Variants in VPS13D observed in about 807,000 individuals in gnomAD.
VPS13D encodes intermembrane lipid transfer protein VPS13D.
VPS13D carries 187 observed loss-of-function variants against 461.9 expected under a neutral mutation model. The ratio of observed to expected loss-of-function variants is 0.40; its 90% CI spans 0.36 to 0.46. The LOEUF (loss-of-function observed/expected upper bound fraction) is 0.46. VPS13D is among the 20% of genes least tolerant of loss of function. The pLI is 0.60. For synonymous variants in VPS13D, 1,951 were observed against 1,986.3 expected (o/e 0.98, Z 0.47); for missense variants, 4,711 against 5,364.9 (o/e 0.88, Z 3.81).
chr1:12,409,008 T>A (rs1188925714), intron 63 of VPS13D, among the ~76,000 whole-genome samples: 1 of 152,238 alleles, frequency 6.6e-6, no homozygotes, highest in Non-Finnish European at 1.5e-5. Context: ...TTAGAAGCTC[T>A]TTCTAAAAGT....
rs1220540281 is a variant in VPS13D at position 12,511,798 on chromosome 1, C to T, written c.*2774C>T. ...GACAAGCGGCCCCTTCCCCAAATCC[C>T]AAGAGTGTCTTGCTGCTTGGTGGGT... On this transcript the variant is annotated 3_prime_UTR_variant, in exon 70 of 70. Transcript: ENST00000620676. This position sits in a 1 kb window ranked among gnomAD's most constrained non-coding sequence, Gnocchi z 4.5. 3.9e-5 allele frequency: 6 copies of T among 152,256 alleles called. No individual in the cohort carries two copies. Among genetic ancestry groups the T allele is most frequent in the Admixed American group, 1.3e-4 (2 of 15,284 alleles). The allele number at this position is 152,256 out of a possible 1,614,324, so 9.4% of individuals were successfully genotyped here.
At chr1:12,463,250 G>A (rs1645435657) in intron 67 of VPS13D, among the ~76,000 whole-genome samples, 1 of 152,210 alleles carries the variant, frequency 6.6e-6, no homozygotes, top group African/African-American at 2.4e-5. Context: ...GGTGCCAGTA[G>A]TGGGAGAGTC....
intron 65 of VPS13D, among the ~76,000 whole-genome samples, chr1:12,437,882 G>A (rs1403278786): frequency 6.6e-6 from 1 of 152,176 alleles, no homozygotes; most frequent in South Asian, 2.1e-4. Flanking sequence ...CTTTCCAGCT[G>A]TTGGGATGGG....
chr1:12,444,916 C>A (rs1179687928), intron 65 of VPS13D, among the ~76,000 whole-genome samples: 9 of 152,202 alleles, frequency 5.9e-5, no homozygotes, highest in Admixed American at 5.9e-4. Context: ...ACCTCAGATA[C>A]CCAGTTTTTA....
In VPS13D at chr1:12,277,909, G is replaced by A. The variant is rs757842320; in HGVS notation, c.4321G>A (p.Gly1441Ser). 6.2e-7 allele frequency: 1 copy of A among 1,614,180 alleles called. No homozygotes were observed. Among genetic ancestry groups the A allele is most frequent in the Admixed American group, 1.7e-5 (1 of 60,026 alleles). ...TTCTTTGAATTGCACCCAGTTGGCAGGTAGAGAAGCTGTTGGGTCTGAAGG... is the reference window on the plus strand; with the variant it reads ...TTCTTTGAATTGCACCCAGTTGGCAAGTAGAGAAGCTGTTGGGTCTGAAGG... ...LYSLNCTQLA[G>S]REAVGSEGSR... The change falls in exon 19 of 70, where the codon GGT becomes AGT. Residue 1441 changes from glycine (G) to serine (S), a missense_variant. Transcript: ENST00000620676.
rs193295971 is a variant in VPS13D, at chr1:12,267,182, G to T, written c.1725+171G>T. 5.6e-3 allele frequency among the ~76,000 whole-genome samples: 856 copies of T among 152,254 alleles called. 11 individuals carry two copies. Among genetic ancestry groups the T allele is most frequent in the African/African-American group, 0.018 (767 of 41,540 alleles). On this transcript the variant is annotated intron_variant, in intron 14 of 69. Transcript: ENST00000620676. ...AGAGCAAATGTTGGTGACATTAATG[G>T]CTATGCCTTCTTGCACTCCTGTATT...
At chr1:12,352,993 A>C (rs866690480) in intron 46 of VPS13D, among the ~76,000 whole-genome samples, 57 of 148,404 alleles carry the variant, frequency 3.8e-4, no homozygotes, top group Non-Finnish European at 7.3e-4. Flanking sequence ...AAAAAAAAAA[A>C]AAAGGACCCA....
chr1:12,252,414 A>G (rs1640762936), intron 6 of VPS13D, among the ~76,000 whole-genome samples: 1 of 152,148 alleles, frequency 6.6e-6, no homozygotes, highest in Non-Finnish European at 1.5e-5. Flanking sequence ...GGCCTTTTGT[A>G]CGGTCACCCT....
chr1:12,360,869 T>C (rs1643936423), intron 50 of VPS13D, among the ~76,000 whole-genome samples: 2 of 152,230 alleles, frequency 1.3e-5, no homozygotes, highest in African/African-American at 4.8e-5. Context: ...TTGAGAAATC[T>C]ATGACAGCCG....
Position 12,346,549 on chromosome 1 carries a change from A to C in VPS13D, c.9022-56A>C. ...AGAAAATTATGTTGTCATTGAATTT[A>C]ACGTTGCTAATTATCTTAAGTCTGT... On this transcript the variant is annotated intron_variant, in intron 43 of 69. Transcript: ENST00000620676. 5 of 1,569,096 alleles carry C rather than the reference A, an allele frequency of 3.2e-6. No individual in the cohort carries two copies. The South Asian group carries it at 5.8e-5, about 18-fold the overall frequency.
chr1:12,395,824 A>C (rs1242734659), intron 60 of VPS13D, among the ~76,000 whole-genome samples: 1 of 151,444 alleles, frequency 6.6e-6, no homozygotes, highest in Non-Finnish European at 1.5e-5. Context: ...ATACTATTAG[A>C]GGTAGAGTCC....
intron 13 of VPS13D, among the ~76,000 whole-genome samples, chr1:12,263,428 T>A (rs1410309296): frequency 6.6e-6 from 1 of 152,184 alleles, no homozygotes; most frequent in African/African-American, 2.4e-5. Flanking sequence ...CAGAGTGCCA[T>A]GAGGATTAAT....
In VPS13D at chr1:12,505,585, C is replaced by A. The variant is rs1439828394; in HGVS notation, c.12795-1268C>A. 6.6e-6 allele frequency among the ~76,000 whole-genome samples: 1 copy of A among 152,304 alleles called. No individual in the cohort carries two copies. The highest frequency in any genetic ancestry group is 1.9e-4 in the East Asian group (1 of 5,174). On this transcript the variant is annotated intron_variant, in intron 68 of 69. Coordinates refer to ENST00000620676, the MANE Select transcript of VPS13D (RefSeq NM_015378.4). The surrounding 1 kb of genome is among the most constrained non-coding windows in gnomAD (Gnocchi z 4.2). The stretch of plus-strand genomic sequence containing the variant: ...GTGGGGTGCTCAGGAAGACACGGGG[C>A]TGTGAGATATGGACTCCACTTAGAG...
At position 12,318,072 on chromosome 1, in the gene VPS13D, A is replaced by C; in HGVS notation, c.7149A>C (p.Arg2383Ser). ...QGSIQIELHF[R>S]STKDSSCFTV... ...ATTTTCTCCTGTCTTCTTTTTATAG[A>C]TCTACCAAGGATTCCTCCTGCTTTA... The change falls in exon 31 of 70, where the codon AGA (arginine) becomes AGC (serine). Residue 2383 changes from arginine (R) to serine (S), a missense_variant and splice_region_variant. Physicochemically the swap from Arg to Ser is moderately radical, Grantham distance 110. This residue lies in a region of VPS13D where 4,411 missense variants were observed against 4,937.8 expected (regional missense o/e 0.89). Transcript: ENST00000620676. The C allele has an allele frequency of 6.2e-7, 1 of 1,602,144 alleles. No individual in the cohort carries two copies. Among genetic ancestry groups the C allele is most frequent in the Non-Finnish European group, 8.5e-7 (1 of 1,171,248 alleles).
At chr1:12,379,383 G>A in intron 56 of VPS13D, 105 bp from the exon 57 acceptor site, 1 of 980,708 alleles carries the variant, frequency 1.0e-6, no homozygotes, top group Non-Finnish European at 1.5e-6. Context: ...TAAGGGTGGA[G>A]GGCATTAGAA....
At chr1:12,402,232 T>C (rs866329071) in intron 62 of VPS13D, among the ~76,000 whole-genome samples, 1 of 152,188 alleles carries the variant, frequency 6.6e-6, no homozygotes, top group Admixed American at 6.5e-5. Flanking sequence ...ACTCTCTTCT[T>C]TGTAGAAGAG....
intron 63 of VPS13D, among the ~76,000 whole-genome samples, chr1:12,408,040 C>T (rs903205370): frequency 2.0e-5 from 3 of 152,170 alleles, no homozygotes; most frequent in African/African-American, 7.2e-5. Context: ...AGCAGTTGAG[C>T]TTACTGAACG....
chr1:12,406,818 C>T (rs1005479287), intron 63 of VPS13D, among the ~76,000 whole-genome samples: 3 of 152,094 alleles, frequency 2.0e-5, no homozygotes, highest in African/African-American at 7.2e-5. Context: ...AGCCTTTAAA[C>T]GGTTTCATGA....
In VPS13D at chr1:12,355,967, G is replaced by T; in HGVS notation, c.9748G>T (p.Val3250Leu). Reference sequence around the variant, plus strand: ...TCCACCTGGAACCCAAAACTATATGGTGAGAATGCGACTCTATGACGTCAA... The same window carrying T: ...TCCACCTGGAACCCAAAACTATATGTTGAGAATGCGACTCTATGACGTCAA... ...LIPPGTQNYM[V>L]RMRLYDVNRR... is the part of the protein sequence containing the mutation. The change falls in exon 48 of 70, where the codon GTG becomes TTG. Residue 3250 changes from valine to leucine, a missense_variant. Transcript: ENST00000620676. The T allele has an allele frequency of 6.2e-7, 1 of 1,613,822 alleles. No individual in the cohort carries two copies. Among genetic ancestry groups the T allele is most frequent in the Non-Finnish European group, 8.5e-7 (1 of 1,179,808 alleles).
Sources: gnomAD v4.1 joint callset for allele counts (sites outside exome capture counted in the v4.1 genomes callset) on GRCh38, gnomAD v4.1.1 for gene constraint, gnomAD v4.1.1 regional missense constraint, Gnocchi (gnomAD v3.1) non-coding constraint, MANE v1.5 for transcripts, NCBI Gene and HGNC (gene_info 2026-07-23, HGNC 2026-07-21) for gene names.